ESRRB: variants seen among roughly 807,000 people sequenced by gnomAD.
ESRRB encodes the protein estrogen related receptor beta, also known as steroid hormone receptor ERR2.
Under a neutral mutation model 46.0 loss-of-function variants are expected in ESRRB, and 16 were observed. The observed-to-expected ratio is 0.35, with a 90% CI of 0.24 to 0.53. The LOEUF (loss-of-function observed/expected upper bound fraction) is 0.53, where lower values mean the gene tolerates loss of function less well. Ranked by LOEUF, ESRRB falls within the 20% of genes least tolerant of loss-of-function variation. The pLI is 0.93. For synonymous variants in ESRRB, 246 were observed against 259.6 expected (o/e 0.95, Z 0.50); for missense variants, 488 against 607.4 (o/e 0.80, Z 2.07).
In ESRRB at chr14:76,500,841, ATGGT is replaced by A; in HGVS notation, c.*2388_*2391del. 1.8e-6 allele frequency: 2 copies of A among 1,083,568 alleles called. No individual in the cohort carries two copies. Among genetic ancestry groups the A allele is most frequent in the Non-Finnish European group, 2.9e-6 (2 of 698,180 alleles). 67.1% of individuals were successfully genotyped at this position (1,083,568 alleles called of 1,614,324 possible). Reference sequence around the variant, plus strand: ...CTAGCAGAGTGGGGCGGAAGTCCTGATGGTTGGTGTCCATGAGGTGGAAGCTGCT... The same window carrying A: ...CTAGCAGAGTGGGGCGGAAGTCCTGATGGTGTCCATGAGGTGGAAGCTGCT... On this transcript the variant is annotated 3_prime_UTR_variant, in exon 7 of 7. Transcript: ENST00000644823.
chr14:76,359,516 C>T lies in ESRRB; in HGVS notation c.2+48600C>T, dbSNP rs143038905. Among the ~76,000 whole-genome samples, 28 of 152,296 alleles carry T rather than the reference C, an allele frequency of 1.8e-4. No individual in the cohort carries two copies. The East Asian group carries it at 5.2e-3, about 28-fold the overall frequency. On this transcript the variant is annotated intron_variant, in intron 1 of 6. Transcript: ENST00000512784. ...TATTAGGTCAGTCCTATCAGTATCCCCATTGCCCAGAGAGTTGAGTAGAGT... is the reference window on the plus strand; with the variant it reads ...TATTAGGTCAGTCCTATCAGTATCCTCATTGCCCAGAGAGTTGAGTAGAGT...
intron 1 of ESRRB, among the ~76,000 whole-genome samples, chr14:76,421,270 G>A (rs933743606): frequency 2.0e-5 from 3 of 152,112 alleles, no homozygotes; most frequent in Non-Finnish European, 2.9e-5. Flanking sequence ...CCCATACATT[G>A]GCATCAGGAT....
At chr14:76,432,432 T>C (rs1887487335) in intron 1 of ESRRB, among the ~76,000 whole-genome samples, 1 of 152,194 alleles carries the variant, frequency 6.6e-6, no homozygotes. Flanking sequence ...TCCCACTTTG[T>C]CCCACAGTTA....
chr14:76,367,178 A>T (rs559773371), upstream of ESRRB, among the ~76,000 whole-genome samples: 1 of 152,008 alleles, frequency 6.6e-6, no homozygotes, highest in African/African-American at 2.4e-5. Flanking sequence ...AGACATGATG[A>T]TGTGTGCTGT....
intron 1 of ESRRB, among the ~76,000 whole-genome samples, chr14:76,335,544 T>C (rs1441950265): frequency 6.6e-6 from 1 of 152,232 alleles, no homozygotes; most frequent in Non-Finnish European, 1.5e-5. Context: ...ACAGACATGG[T>C]CCCTGCTTTC....
chr14:76,358,383 GAAAGAAAGAAAGAAAGAAAGAAAGAAAGA>G, intron 1 of ESRRB, among the ~76,000 whole-genome samples: 2 of 60,876 alleles, frequency 3.3e-5, no homozygotes, highest in African/African-American at 6.3e-5. Flanking sequence ...AAGAAAGAAA[GAAAGAAAGAAAGAAAGAAAGAAAGAAAGA>G]AAAGAAAAGA....
intron 3 of ESRRB, among the ~76,000 whole-genome samples, chr14:76,472,427 G>T (rs1379992257): frequency 6.6e-6 from 1 of 152,212 alleles, no homozygotes; most frequent in Non-Finnish European, 1.5e-5. Context: ...CCACAGAGCA[G>T]CTGGCAAAAG....
chr14:76,331,896 TAA>T (rs33932079), intron 1 of ESRRB, among the ~76,000 whole-genome samples: 74,854 of 151,058 alleles, frequency 0.5, 19,372 homozygotes, highest in Admixed American at 0.61. Context: ...AGAACTGAGT[TAA>T]TAGAAGTCCA....
chr14:76,370,038 G>A (rs945436264), upstream of ESRRB, among the ~76,000 whole-genome samples: 1 of 152,098 alleles, frequency 6.6e-6, no homozygotes, highest in East Asian at 1.9e-4. Flanking sequence ...TTCTACCAGT[G>A]ATGAGACCCT....
At chr14:76,354,723 TC>T (rs71122528) in intron 1 of ESRRB, among the ~76,000 whole-genome samples, 26,349 of 131,736 alleles carry the variant, frequency 0.2, 3,424 homozygotes, top group East Asian at 0.4. Context: ...TTTTTTTTTT[TC>T]TTTGAAATGA....
In ESRRB at chr14:76,500,955, G is replaced by C; in HGVS notation, c.*2497G>C. 1 of 590,956 alleles carries C rather than the reference G, an allele frequency of 1.7e-6. No individual in the cohort carries two copies. The allele number at this position is 590,956 out of a possible 1,614,324, so 36.6% of individuals were successfully genotyped here. ...AATGGGAAAGTTCCTGGTACTGAAG[G>C]GGTCCATTGGACACTCAGAAAAGAA... is the stretch of plus-strand genomic sequence containing the variant. On this transcript the variant is annotated 3_prime_UTR_variant, in exon 7 of 7. Transcript: ENST00000644823.
chr14:76,402,381 A>G (rs1885981405), intron 1 of ESRRB, among the ~76,000 whole-genome samples: 1 of 152,214 alleles, frequency 6.6e-6, no homozygotes, highest in Non-Finnish European at 1.5e-5. Context: ...CTGAGAATGC[A>G]GTCAAGAAAC....
At chr14:76,447,014 C>G (rs1293090007) in intron 2 of ESRRB, among the ~76,000 whole-genome samples, 1 of 152,132 alleles carries the variant, frequency 6.6e-6, no homozygotes, top group African/African-American at 2.4e-5. Context: ...GAAACTAGAA[C>G]TCCCTCAGCT....
chr14:76,364,816 A>T (rs7142229), intron 1 of ESRRB, among the ~76,000 whole-genome samples: 29,854 of 152,056 alleles, frequency 0.2, 3,657 homozygotes, highest in Non-Finnish European at 0.28. Context: ...GTAGCAGGAC[A>T]TGGCTGGGAG....
intron 5 of ESRRB, among the ~76,000 whole-genome samples, chr14:76,484,252 G>A (rs1232563955): frequency 1.3e-5 from 2 of 152,186 alleles, no homozygotes; most frequent in Non-Finnish European, 2.9e-5. Flanking sequence ...GGACAGGGAC[G>A]CACAGAGACA....
At chr14:76,340,526 C>T (rs1442920628) in intron 1 of ESRRB, among the ~76,000 whole-genome samples, 3 of 152,174 alleles carry the variant, frequency 2.0e-5, no homozygotes, top group Non-Finnish European at 4.4e-5. Context: ...TTCACTGCCA[C>T]ATGGAGACGG....
At chr14:76,444,071 T>G (rs1051375146) in intron 2 of ESRRB, among the ~76,000 whole-genome samples, 14 of 152,048 alleles carry the variant, frequency 9.2e-5, no homozygotes, top group East Asian at 1.9e-4. Context: ...TGTTGTTGTT[T>G]TTTTTTTTGA....
At chr14:76,367,949 C>CTTTT (rs778235037), upstream of ESRRB, among the ~76,000 whole-genome samples, 623 of 95,262 alleles carry the variant, frequency 6.5e-3, 7 homozygotes, top group Non-Finnish European at 9.1e-3. Context: ...TTCCAGTTTG[C>CTTTT]TTTTTTTTTT....
chr14:76,408,483 G>A (rs939913595), intron 1 of ESRRB, among the ~76,000 whole-genome samples: 6 of 151,462 alleles, frequency 4.0e-5, no homozygotes, highest in East Asian at 1.9e-4. Context: ...CAGCTCCTCC[G>A]GAGGCTAAGG....
Sources: allele counts gnomAD v4.1 joint callset (sites outside exome capture counted in the v4.1 genomes callset), GRCh38; gene constraint gnomAD v4.1.1; transcripts MANE v1.5; gene names NCBI Gene and HGNC (gene_info 2026-07-23, HGNC 2026-07-21).